Variants in LRP1B observed in about 807,000 individuals in gnomAD.
The protein encoded by LRP1B is LDL receptor related protein 1B, also known as low-density lipoprotein receptor-related protein 1B.
Under a neutral mutation model 556.6 loss-of-function variants are expected in LRP1B, and 217 were observed. The observed-to-expected ratio is 0.39, with a 90% CI of 0.35 to 0.44. The LOEUF is 0.44. LRP1B is among the 20% of genes least tolerant of loss of function. LRP1B has a pLI of 1.00. For synonymous variants in LRP1B, 2,047 were observed against 1,865.8 expected (o/e 1.10, Z -2.50); for missense variants, 5,053 against 5,620.8 (o/e 0.90, Z 3.23).
At chr2:141,273,151 A>G (rs1011260041) in intron 3 of LRP1B, among the ~76,000 whole-genome samples, 4 of 152,124 alleles carry the variant, frequency 2.6e-5, no homozygotes, top group African/African-American at 9.7e-5. Context: ...TCTATGAAAA[A>G]TACAAAAGTT....
At chr2:140,741,289 G>A (rs533714318) in intron 35 of LRP1B, among the ~76,000 whole-genome samples, 1 of 152,158 alleles carries the variant, frequency 6.6e-6, no homozygotes, top group East Asian at 1.9e-4. Flanking sequence ...ATATGACAAA[G>A]CGAAGCCATG....
At chr2:141,114,843 C>CATGTCATG (rs1700846641) in intron 7 of LRP1B, among the ~76,000 whole-genome samples, 1 of 151,294 alleles carries the variant, frequency 6.6e-6, no homozygotes, top group Non-Finnish European at 1.5e-5. Context: ...TGTGCACATA[C>CATGTCATG]ACACATACAT....
In LRP1B at chr2:141,556,995, T is replaced by C. The variant is rs1685982317; in HGVS notation, c.206-76462A>G. 4.6e-5 allele frequency among the ~76,000 whole-genome samples: 7 copies of C among 151,946 alleles called. No homozygotes were observed. In the South Asian group the frequency reaches 1.5e-3, roughly 32 times the overall value. On this transcript the variant is annotated intron_variant, in intron 2 of 90. Transcript: ENST00000389484. ...ATTCCTCTTCCCAGAGGATTGGATG[T>C]AAATAATATTTACATTGATAGTCAC...
At chr2:141,909,524 ACATTTTTTTTTT>A (rs1174858332) in intron 1 of LRP1B, among the ~76,000 whole-genome samples, 8 of 104,524 alleles carry the variant, frequency 7.7e-5, no homozygotes, top group Admixed American at 3.8e-4. Context: ...AAGGTCTCAG[ACATTTTTTTTTT>A]TTTTTTTTTT....
At chr2:141,493,964 T>A (rs1683425397) in intron 2 of LRP1B, among the ~76,000 whole-genome samples, 1 of 152,166 alleles carries the variant, frequency 6.6e-6, no homozygotes, top group South Asian at 2.1e-4. Flanking sequence ...CTTACAATAA[T>A]CAGCTAACTG....
intron 1 of LRP1B, among the ~76,000 whole-genome samples, chr2:142,126,570 A>G (rs1267705202): frequency 2.0e-5 from 3 of 151,890 alleles, no homozygotes; most frequent in African/African-American, 7.2e-5. Flanking sequence ...CTTTGAATGC[A>G]TCTATCTAGA....
At chr2:141,039,040 A>T (rs1698621130) in intron 11 of LRP1B, among the ~76,000 whole-genome samples, 1 of 152,064 alleles carries the variant, frequency 6.6e-6, no homozygotes, top group Non-Finnish European at 1.5e-5. Flanking sequence ...CTAAATGGAA[A>T]ATTCCAGAAG....
At position 141,297,415 on chromosome 2, in the gene LRP1B, A is replaced by G. The variant is rs139005115; in HGVS notation, c.344-42774T>C. ...CAGTTTAGTGATTTCTCTAAGAAGTAAGAGTTGAAGTGCTTTTTAATTTTT... is the reference window on the plus strand; with the variant it reads ...CAGTTTAGTGATTTCTCTAAGAAGTGAGAGTTGAAGTGCTTTTTAATTTTT... On this transcript the variant is annotated intron_variant, in intron 3 of 90. Transcript: ENST00000389484. Among the ~76,000 whole-genome samples the G allele has an allele frequency of 1.4e-3, 209 of 152,328 alleles. 3 individuals are homozygous for G. The East Asian group carries it at 0.029, about 21-fold the overall frequency.
rs527516119 is a variant in LRP1B at position 141,631,276 on chromosome 2, C to T, written c.206-150743G>A. ...AACTGCCCCTATGCTTCAATTACCT[C>T]CCACTGGGTCTCTTCCATGACATGT... is the stretch of plus-strand genomic sequence containing the variant. On this transcript the variant is annotated intron_variant, in intron 2 of 90. Coordinates refer to ENST00000389484, the MANE Select transcript of LRP1B (RefSeq NM_018557.3). Among the ~76,000 whole-genome samples the T allele has an allele frequency of 9.9e-5, 15 of 152,238 alleles. No individual in the cohort carries two copies. The East Asian group carries it at 2.9e-3, about 29-fold the overall frequency.
chr2:140,531,846 C>T (rs1690707831), intron 47 of LRP1B, among the ~76,000 whole-genome samples: 1 of 152,152 alleles, frequency 6.6e-6, no homozygotes, highest in Non-Finnish European at 1.5e-5. Context: ...TTCTGTAGCA[C>T]TTGAAAATGC....
chr2:141,548,021 T>C (rs887762438), intron 2 of LRP1B, among the ~76,000 whole-genome samples: 2 of 152,176 alleles, frequency 1.3e-5, no homozygotes, highest in African/African-American at 4.8e-5. Context: ...GAGAAGATGA[T>C]ATTTGCTGTA....
rs976692874 is a variant in LRP1B, at chr2:140,956,101, C to T, written c.2888-4161G>A. ...AAGTATTATCTTCACCTGAAAAAGA[C>T]AATAATAAACACATTACCTATTATT... On this transcript the variant is annotated intron_variant, in intron 18 of 90. Transcript: ENST00000389484. 5.9e-5 allele frequency among the ~76,000 whole-genome samples: 9 copies of T among 151,600 alleles called. 1 individual carries two copies.
chr2:140,518,337 GT>G (rs1690008267), intron 49 of LRP1B, among the ~76,000 whole-genome samples: 1 of 152,038 alleles, frequency 6.6e-6, no homozygotes, highest in African/African-American at 2.4e-5. Context: ...CTGTCTGTCT[GT>G]CTACCTGCCT....
chr2:141,721,618 T>G (rs933760457), intron 2 of LRP1B, among the ~76,000 whole-genome samples: 1 of 152,198 alleles, frequency 6.6e-6, no homozygotes, highest in Non-Finnish European at 1.5e-5. Context: ...AGAAAAATCT[T>G]TAAAACATGA....
intron 3 of LRP1B, among the ~76,000 whole-genome samples, chr2:141,443,929 T>C (rs1369389318): frequency 2.0e-5 from 3 of 152,116 alleles, no homozygotes. Context: ...TTTGGTTCCC[T>C]ATAAAATTTA....
intron 3 of LRP1B, among the ~76,000 whole-genome samples, chr2:141,300,613 T>G (rs1686354501): frequency 6.6e-6 from 1 of 152,158 alleles, no homozygotes; most frequent in Non-Finnish European, 1.5e-5. Context: ...TCCCCCTTGG[T>G]GCTATCATCC....
chr2:141,267,238 A>T (rs562675580), intron 3 of LRP1B, among the ~76,000 whole-genome samples: 1 of 152,326 alleles, frequency 6.6e-6, no homozygotes, highest in Non-Finnish European at 1.5e-5. Context: ...TGTGCTCCAG[A>T]CCCTAAAGTA....
At position 140,407,955 on chromosome 2, in the gene LRP1B, A is replaced by T. The variant is rs113286698; in HGVS notation, c.10415-21946T>A. On this transcript the variant is annotated intron_variant, in intron 66 of 90. Coordinates refer to ENST00000389484, the MANE Select transcript of LRP1B (RefSeq NM_018557.3). ...TGTGTCCATCAATCAATGAGTGGAT[A>T]AAAAAAATATGGCATATATATACCA... is the stretch of plus-strand genomic sequence containing the variant. Among the ~76,000 whole-genome samples, 36 of 151,768 alleles carry T rather than the reference A, an allele frequency of 2.4e-4. 3 individuals are homozygous for T. The highest frequency in any genetic ancestry group is 7.0e-4 in the African/African-American group (29 of 41,296).
chr2:141,510,572 A>C (rs1436812221), intron 2 of LRP1B, among the ~76,000 whole-genome samples: 1 of 152,082 alleles, frequency 6.6e-6, no homozygotes, highest in East Asian at 1.9e-4. Flanking sequence ...ATAAGCCTTG[A>C]GTAAAATCTA....
Sources: allele counts gnomAD v4.1 joint callset (sites outside exome capture counted in the v4.1 genomes callset), GRCh38; gene constraint gnomAD v4.1.1; transcripts MANE v1.5; gene names NCBI Gene and HGNC (gene_info 2026-07-23, HGNC 2026-07-21).